USP34: variants seen among roughly 807,000 people sequenced by gnomAD.
The protein encoded by USP34 is ubiquitin carboxyl-terminal hydrolase 34.
USP34 carries 70 observed loss-of-function variants against 460.3 expected under a neutral mutation model. The observed-to-expected ratio is 0.15, with a 90% CI of 0.13 to 0.19. The LOEUF (loss-of-function observed/expected upper bound fraction) is 0.19. USP34 is among the 10% of genes least tolerant of loss of function. The probability of loss-of-function intolerance (pLI) is 1.00; values close to 1 mark genes in which losing one functional copy is unlikely to be tolerated. For missense variants in USP34, 3,985 were observed against 4,236.2 expected, an observed-to-expected ratio of 0.94 and a Z score of 1.65; for synonymous variants, 1,647 against 1,405.3, an observed-to-expected ratio of 1.17 and a Z score of -3.85.
rs377070446 is a variant in USP34 at position 61,317,676 on chromosome 2, T to C, written c.3260A>G (p.Tyr1087Cys). 13 of 1,613,988 alleles carry C rather than the reference T, an allele frequency of 8.1e-6. No individual in the cohort carries two copies. The highest frequency in any genetic ancestry group is 2.7e-5 in the African/African-American group (2 of 74,932). ...TACCTCAGAATTTGAACAACCATCA[T>C]AGGCACTGGTAGCCAATCGAGCCAA... ...CNLARLATSA[Y>C]DGCSNSELCG... The change falls in exon 23 of 80, where the codon TAT (tyrosine) becomes TGT (cysteine). Residue 1087 changes from tyrosine to cysteine, a missense_variant. Physicochemically the swap from Tyr to Cys is radical, Grantham distance 194. Coordinates refer to ENST00000398571, the MANE Select transcript of USP34 (RefSeq NM_014709.4).
At chr2:61,301,842 A>G (rs1690235565) in intron 27 of USP34, among the ~76,000 whole-genome samples, 1 of 152,186 alleles carries the variant, frequency 6.6e-6, no homozygotes, top group African/African-American at 2.4e-5. Context: ...GCCCAATCTA[A>G]AAGCTTCACT....
chr2:61,435,307 CAAAAAAA>C (rs59158283), intron 1 of USP34, among the ~76,000 whole-genome samples: 548 of 40,962 alleles, frequency 0.013, 24 homozygotes, highest in East Asian at 0.11. Flanking sequence ...GACCTTGTTT[CAAAAAAA>C]AAAAAAAAAA....
chr2:61,363,820 G>T (rs746842648), intron 10 of USP34, among the ~76,000 whole-genome samples: 1 of 150,086 alleles, frequency 6.7e-6, no homozygotes, highest in Non-Finnish European at 1.5e-5. Context: ...TCCACTGATG[G>T]ATGAATAAAA....
intron 10 of USP34, among the ~76,000 whole-genome samples, chr2:61,367,617 C>T (rs975220983): frequency 2.0e-5 from 3 of 152,094 alleles, no homozygotes; most frequent in African/African-American, 7.2e-5. Flanking sequence ...TTATATATAT[C>T]TCTATATCTC....
chr2:61,267,308 C>T (rs1000623226), intron 41 of USP34, among the ~76,000 whole-genome samples: 1 of 152,082 alleles, frequency 6.6e-6, no homozygotes, highest in African/African-American at 2.4e-5. Flanking sequence ...GAAAGACGTA[C>T]CAAAAACAGA....
Position 61,208,929 on chromosome 2 carries a change from TACA to T in USP34, c.8886_8888del (p.Val2963del). The stretch of plus-strand genomic sequence containing the variant: ...TCATTAGAATCAATCCTCGATTAAA[TACA>T]ACAAGAAGTCTGTCTTCATCAGATT... On this transcript the variant is annotated inframe_deletion, in exon 70 of 80. Coordinates refer to ENST00000398571, the MANE Select transcript of USP34 (RefSeq NM_014709.4). 8.1e-6 allele frequency: 13 copies of T among 1,595,984 alleles called. No individual in the cohort carries two copies. The highest frequency in any genetic ancestry group is 1.1e-5 in the Non-Finnish European group (13 of 1,171,528).
At chr2:61,446,481 G>A (rs1008488584) in intron 1 of USP34, among the ~76,000 whole-genome samples, 1 of 152,120 alleles carries the variant, frequency 6.6e-6, no homozygotes, top group African/African-American at 2.4e-5. Flanking sequence ...AATCATGTAA[G>A]TACTGTCTGT....
intron 70 of USP34, chr2:61,208,621 T>C (rs544700925): frequency 1.0e-5 from 2 of 197,380 alleles, no homozygotes; most frequent in East Asian, 2.2e-4. Context: ...TATTTCATTT[T>C]TGTCCCTACA....
chr2:61,317,446 G>A (rs1231412587), intron 23 of USP34, among the ~76,000 whole-genome samples: 1 of 152,192 alleles, frequency 6.6e-6, no homozygotes, highest in Non-Finnish European at 1.5e-5. Flanking sequence ...AGAATCTCTT[G>A]AATCTGGGAG....
rs568918286 is a variant in USP34 at position 61,356,051 on chromosome 2, G to C, written c.1252-5358C>G. On this transcript the variant is annotated intron_variant, in intron 10 of 79. Coordinates refer to ENST00000398571, the MANE Select transcript of USP34 (RefSeq NM_014709.4). ...TTTAATCCAGCAATCTGACTCCTAG[G>C]TATATGTCTAAAAGAATTCAAAGCA... Among the ~76,000 whole-genome samples, 39 of 152,150 alleles carry C rather than the reference G, an allele frequency of 2.6e-4. No individual in the cohort carries two copies. In the South Asian group the frequency reaches 7.7e-3, roughly 30 times the overall value.
chr2:61,305,345 C>A (rs1690369739), intron 27 of USP34, among the ~76,000 whole-genome samples: 2 of 151,616 alleles, frequency 1.3e-5, no homozygotes, highest in Non-Finnish European at 2.9e-5. Context: ...CAGACATAAA[C>A]TGACAAGGAG....
At chr2:61,283,759 G>A (rs1232307435) in intron 35 of USP34, among the ~76,000 whole-genome samples, 1 of 152,108 alleles carries the variant, frequency 6.6e-6, no homozygotes, top group South Asian at 2.1e-4. Flanking sequence ...GGGACTACAA[G>A]CATGTGCCAC....
intron 10 of USP34, among the ~76,000 whole-genome samples, chr2:61,359,610 T>G (rs1268858198): frequency 3.9e-5 from 6 of 152,002 alleles, no homozygotes; most frequent in African/African-American, 1.2e-4. Context: ...ATTAAAAACT[T>G]TTGTGCATCA....
At chr2:61,469,830 T>C (rs952784252) in intron 1 of USP34, among the ~76,000 whole-genome samples, 11 of 152,156 alleles carry the variant, frequency 7.2e-5, no homozygotes, top group Non-Finnish European at 1.3e-4. Context: ...ATATCTTCTA[T>C]AAGCTGAAAT....
Position 61,395,329 on chromosome 2 carries a change from A to G in USP34, c.553-96T>C, listed in dbSNP as rs541862163. On this transcript the variant is annotated intron_variant, in intron 3 of 79. Transcript: ENST00000398571. ...AAGACTGATTTTATAAAAACCGAAT[A>G]AACAGATTATTTTGCAATTACTCCT... 17 of 805,964 alleles carry G rather than the reference A, an allele frequency of 2.1e-5. No individual in the cohort carries two copies. In the Admixed American group the frequency reaches 2.9e-4, roughly 14 times the overall value. 49.9% of individuals were successfully genotyped at this position (805,964 alleles called of 1,614,324 possible).
At chr2:61,310,680 T>C (rs1178280573) in intron 27 of USP34, among the ~76,000 whole-genome samples, 2 of 150,824 alleles carry the variant, frequency 1.3e-5, no homozygotes, top group African/African-American at 4.9e-5. Flanking sequence ...CATATACATA[T>C]ACATATATAT....
At chr2:61,327,442 AAAC>A (rs1462736359) in intron 20 of USP34, among the ~76,000 whole-genome samples, 4 of 152,222 alleles carry the variant, frequency 2.6e-5, no homozygotes, top group East Asian at 1.9e-4. Context: ...TTTTTAAGTT[AAAC>A]AACAAGGGAT....
At chr2:61,242,449 G>C (rs1048512600) in intron 51 of USP34, among the ~76,000 whole-genome samples, 1 of 114,854 alleles carries the variant, frequency 8.7e-6, no homozygotes, top group Non-Finnish European at 1.7e-5. Context: ...GTCAACCAAA[G>C]ATAATACATA....
intron 1 of USP34, among the ~76,000 whole-genome samples, chr2:61,445,534 CA>C (rs35610519): frequency 0.61 from 65,307 of 107,646 alleles, 15,893 homozygotes; most frequent in Middle Eastern, 0.68. Context: ...GACTCCGTCT[CA>C]AAAAAAAAAA....
Sources: gnomAD v4.1 joint callset for allele counts (sites outside exome capture counted in the v4.1 genomes callset) on GRCh38, gnomAD v4.1.1 for gene constraint, MANE v1.5 for transcripts, NCBI Gene and HGNC (gene_info 2026-07-23, HGNC 2026-07-21) for gene names.